ZNF614: variants seen among roughly 807,000 people sequenced by gnomAD.
The protein encoded by ZNF614 is zinc finger protein 614.
In ZNF614, 11 loss-of-function variants were observed where a neutral mutation model predicts 12.8. The ratio of observed to expected loss-of-function variants is 0.86; its 90% CI spans 0.54 to 1.43. ZNF614 has a LOEUF of 1.43. Ranked by LOEUF, ZNF614 falls within the 40% of genes most tolerant of loss-of-function variation. The pLI is 0.00. For synonymous variants in ZNF614, 237 were observed against 237.5 expected (o/e 1.00, Z 0.02); for missense variants, 664 against 708.8 (o/e 0.94, Z 0.72).
intron 2 of ZNF614, among the ~76,000 whole-genome samples, chr19:52,022,808 A>T (rs906036030): frequency 2.6e-5 from 4 of 152,098 alleles, no homozygotes; most frequent in Non-Finnish European, 4.4e-5. Context: ...AGCCAGACTG[A>T]AGAAATGCAT....
intron 3 of ZNF614, 25 bp downstream of exon 3, chr19:52,018,343 G>C (rs1399025512): frequency 1.3e-5 from 21 of 1,613,756 alleles, no homozygotes; most frequent in Non-Finnish European, 1.8e-5. Flanking sequence ...GGCACCTCTA[G>C]GTGACACAGG....
intron 2 of ZNF614, among the ~76,000 whole-genome samples, chr19:52,023,172 A>ATT (rs1162700059): frequency 1.7e-4 from 23 of 132,136 alleles, no homozygotes; most frequent in African/African-American, 5.7e-4. Context: ...TAATAAATAA[A>ATT]ATTTTTTTTT....
rs754672065 is a variant in ZNF614, at chr19:52,018,483, G to C, written c.27C>G (p.Thr9=). Residue 9 remains threonine (T), a synonymous_variant, in exon 3 of 5, where the codon ACC becomes ACG. Coordinates refer to ENST00000270649, the MANE Select transcript of ZNF614 (RefSeq NM_025040.4). MIKTQESL[T]LEDVAVEFSW... ...TGAATTCCACAGCCACATCCTCCAG[G>C]GTCAGTGATTCCTGTAATTACAAAG... is the stretch of plus-strand genomic sequence containing the variant. The C allele has an allele frequency of 3.1e-6, 5 of 1,613,512 alleles. No homozygotes were observed. The highest frequency in any genetic ancestry group is 4.2e-6 in the Non-Finnish European group (5 of 1,179,794).
Position 52,018,072 on chromosome 19 carries a change from G to A in ZNF614, c.174C>T (p.Ser58=), listed in dbSNP as rs201226482. The change falls in exon 4 of 5, where the codon TCC becomes TCT. Residue 58 remains serine, a synonymous_variant. Coordinates refer to ENST00000270649, the MANE Select transcript of ZNF614 (RefSeq NM_025040.4). ...GYQTSKPDVL[S]KLAHGQEPWT... is the part of the protein sequence containing the mutation. ...ATGGTTCTTGTCCATGTGCCAACTT[G>A]GAGAGTACATCTGGTTTGCTAGTTT... The A allele has an allele frequency of 6.2e-7, 1 of 1,614,080 alleles. No individual in the cohort carries two copies. Among genetic ancestry groups the A allele is most frequent in the Middle Eastern group, 1.7e-4 (1 of 6,056 alleles).
chr19:52,017,228 C>A lies in ZNF614; in HGVS notation c.370G>T (p.Val124Leu). 6.2e-7 allele frequency: 1 copy of A among 1,614,098 alleles called. No individual in the cohort carries two copies. Among genetic ancestry groups the A allele is most frequent in the Non-Finnish European group, 8.5e-7 (1 of 1,180,030 alleles). Residue 124 changes from valine (V) to leucine (L), a missense_variant, in exon 5 of 5, where the codon GTG becomes TTG. Val to Leu is a conservative substitution (Grantham distance 32, BLOSUM62 1). Coordinates refer to ENST00000270649, the MANE Select transcript of ZNF614 (RefSeq NM_025040.4). ...VHLSKTHFPI[V>L]QNHDTFDLYR... ...AAGTCAAATGTATCATGATTTTGCA[C>A]TATAGGAAAATGTGTCTTGCTGAGA...
chr19:52,020,408 G>A (rs1476235694), intron 2 of ZNF614, among the ~76,000 whole-genome samples: 2 of 152,240 alleles, frequency 1.3e-5, no homozygotes, highest in African/African-American at 4.8e-5. Context: ...TGCACAGGGT[G>A]AGGTCTGGGA....
At chr19:52,023,924 CT>C (rs1323493263) in intron 2 of ZNF614, among the ~76,000 whole-genome samples, 2 of 152,082 alleles carry the variant, frequency 1.3e-5, no homozygotes, top group Non-Finnish European at 2.9e-5. Context: ...CAACCAACCC[CT>C]GACCTCTGTG....
At chr19:52,021,617 C>A (rs1285426365) in intron 2 of ZNF614, among the ~76,000 whole-genome samples, 1 of 151,906 alleles carries the variant, frequency 6.6e-6, no homozygotes, top group African/African-American at 2.4e-5. Context: ...GTAGTGGATG[C>A]CTGTGGTCTC....
Position 52,015,889 on chromosome 19 carries a change from TG to T in ZNF614, c.1708del (p.Gln570LysfsTer28). 2 of 1,614,070 alleles carry T rather than the reference TG, an allele frequency of 1.2e-6. No homozygotes were observed. Among genetic ancestry groups the T allele is most frequent in the Non-Finnish European group, 1.7e-6 (2 of 1,179,960 alleles). Reference sequence around the variant, plus strand: ...CTCTCCATTACAGGAGTTTTCAACTTGACTGATTCTACCCATTTCTCTTGTG... The same window carrying T: ...CTCTCCATTACAGGAGTTTTCAACTTACTGATTCTACCCATTTCTCTTGTG... ...MHTREMGRIS[Q>X]VENSCNGESQ... On this transcript the variant is annotated frameshift_variant, in exon 5 of 5. Transcript: ENST00000270649. LOFTEE classifies it low-confidence loss of function (END_TRUNC).
chr19:52,018,100 T>C lies in ZNF614; in HGVS notation c.146A>G (p.Tyr49Cys), dbSNP rs2086911837. ...GAGTACATCTGGTTTGCTAGTTTGA[T>C]ACCCTGTTCATGAGGAAAGACAAAC... is the stretch of plus-strand genomic sequence containing the variant. The part of the protein sequence containing the change: ...ENYNHLVSLG[Y>C]QTSKPDVLSK... The change falls in exon 4 of 5, where the codon TAT becomes TGT. Residue 49 changes from tyrosine to cysteine, a missense_variant. Tyr to Cys is a radical substitution (Grantham distance 194). Transcript: ENST00000270649. The C allele has an allele frequency of 6.2e-7, 1 of 1,613,686 alleles. No individual in the cohort carries two copies. Among genetic ancestry groups the C allele is most frequent in the East Asian group, 2.2e-5 (1 of 44,886 alleles).
rs777639338 is a variant in ZNF614 at position 52,016,797 on chromosome 19, G to A, written c.801C>T (p.Gly267=). 3 of 1,613,784 alleles carry A rather than the reference G, an allele frequency of 1.9e-6. No individual in the cohort carries two copies. The highest frequency in any genetic ancestry group is 2.7e-5 in the African/African-American group (2 of 74,742). The change falls in exon 5 of 5, where the codon GGC becomes GGT. Residue 267 remains glycine, a synonymous_variant. Coordinates refer to ENST00000270649, the MANE Select transcript of ZNF614 (RefSeq NM_025040.4). ...TAATGAGACTACTCTTCACAGTAGAGCCTTTTCTATATTCATTGGGTATAC... is the reference window on the plus strand; with the variant it reads ...TAATGAGACTACTCTTCACAGTAGAACCTTTTCTATATTCATTGGGTATAC... ...KICIPNEYRK[G]STVKSSLITH...
At chr19:52,027,677 G>A (rs2086983984) in intron 1 of ZNF614, among the ~76,000 whole-genome samples, 1 of 151,942 alleles carries the variant, frequency 6.6e-6, no homozygotes, top group Non-Finnish European at 1.5e-5. Flanking sequence ...TACAATGGCT[G>A]GCAATAATAA....
Position 52,027,478 on chromosome 19 carries a change from C to G in ZNF614, c.-217+764G>C, listed in dbSNP as rs561114862. Among the ~76,000 whole-genome samples the G allele has an allele frequency of 8.1e-4, 123 of 152,304 alleles. 2 individuals are homozygous for G. Among genetic ancestry groups the G allele is most frequent in the Admixed American group, 5.9e-3 (91 of 15,296 alleles). On this transcript the variant is annotated intron_variant, in intron 1 of 4. Coordinates refer to ENST00000270649, the MANE Select transcript of ZNF614 (RefSeq NM_025040.4). ...TCTTTGGTTATCAGGGCAATTTAAGCCATGCCAAATTGTCTATCCTAATAA... is the reference window on the plus strand; with the variant it reads ...TCTTTGGTTATCAGGGCAATTTAAGGCATGCCAAATTGTCTATCCTAATAA...
chr19:52,016,987 G>A lies in ZNF614; in HGVS notation c.611C>T (p.Pro204Leu), dbSNP rs73052084. The A allele has an allele frequency of 1.2e-6, 2 of 1,613,818 alleles. No homozygotes were observed. Among genetic ancestry groups the A allele is most frequent in the Non-Finnish European group, 1.7e-6 (2 of 1,180,004 alleles). ...KHQRTQKIEK[P>L]HACIECEQTF... is the part of the protein sequence containing the mutation. ...TTGCTCACATTCAATGCATGCATGG[G>A]GTTTCTCAATTTTCTGAGTCCTCTG... is the stretch of plus-strand genomic sequence containing the variant. Residue 204 changes from proline to leucine, a missense_variant, in exon 5 of 5, where the codon CCC (proline) becomes CTC (leucine). Coordinates refer to ENST00000270649, the MANE Select transcript of ZNF614 (RefSeq NM_025040.4).
intron 2 of ZNF614, among the ~76,000 whole-genome samples, chr19:52,018,780 A>G (rs117503724): frequency 0.02 from 3,090 of 152,330 alleles, 56 homozygotes; most frequent in Admixed American, 0.024. Context: ...GAATTCATAA[A>G]ATAGTGCTTT....
rs958560239 is a variant in ZNF614 at position 52,014,995 on chromosome 19, T to C, written c.*845A>G. On this transcript the variant is annotated 3_prime_UTR_variant, in exon 5 of 5. Coordinates refer to ENST00000270649, the MANE Select transcript of ZNF614 (RefSeq NM_025040.4). ...CAAAGACCAAATGTATTTCTCATTATACCACAATTTTACACAACAGTAAAA... is the reference window on the plus strand; with the variant it reads ...CAAAGACCAAATGTATTTCTCATTACACCACAATTTTACACAACAGTAAAA... 2.0e-5 allele frequency: 3 copies of C among 152,228 alleles called. No homozygotes were observed. Among genetic ancestry groups the C allele is most frequent in the Non-Finnish European group, 4.4e-5 (3 of 68,038 alleles). 9.4% of individuals were successfully genotyped at this position (152,228 alleles called of 1,614,324 possible).
chr19:52,022,476 G>C lies in ZNF614; in HGVS notation c.15+3255C>G, dbSNP rs191411247. Among the ~76,000 whole-genome samples, 660 of 152,238 alleles carry C rather than the reference G, an allele frequency of 4.3e-3. 5 individuals are homozygous for C. Among genetic ancestry groups the C allele is most frequent in the African/African-American group, 0.015 (634 of 41,520 alleles). On this transcript the variant is annotated intron_variant, in intron 2 of 4. Transcript: ENST00000270649. ...GAGCGCCTTTGCGCGGCTGCTGTGC[G>C]ACCCTCCAAGTGTGAAGTGACAGCC...
chr19:52,022,945 TGGTG>T (rs2086941233), intron 2 of ZNF614, among the ~76,000 whole-genome samples: 1 of 151,320 alleles, frequency 6.6e-6, no homozygotes, highest in African/African-American at 2.4e-5. Flanking sequence ...CCGGGTGTGG[TGGTG>T]GGTGCCTGTA....
At position 52,016,852 on chromosome 19, in the gene ZNF614, T is replaced by C. The variant is rs1392690415; in HGVS notation, c.746A>G (p.His249Arg). 35 of 1,614,064 alleles carry C rather than the reference T, an allele frequency of 2.2e-5. No homozygotes were observed. The highest frequency in any genetic ancestry group is 8.3e-5 in the Admixed American group (5 of 59,994). Residue 249 changes from histidine to arginine, a missense_variant, in exon 5 of 5, where the codon CAT becomes CGT. Physicochemically the swap from His to Arg is conservative, Grantham distance 29. Coordinates refer to ENST00000270649, the MANE Select transcript of ZNF614 (RefSeq NM_025040.4). Reference sequence around the variant, plus strand: ...TTTGTCTGTTGTATTAGTTTTCAGATGCTTAGTGAACAGGACACTTCTGGA... The same window carrying C: ...TTTGTCTGTTGTATTAGTTTTCAGACGCTTAGTGAACAGGACACTTCTGGA... The part of the protein sequence containing the change: ...KLSRSVLFTK[H>R]LKTNTTDKIC...
Sources: allele counts gnomAD v4.1 joint callset (sites outside exome capture counted in the v4.1 genomes callset), GRCh38; gene constraint gnomAD v4.1.1; transcripts MANE v1.5; gene names NCBI Gene and HGNC (gene_info 2026-07-23, HGNC 2026-07-21).